The following KLHL23 variants were observed in gnomAD, a reference collection of about 807,000 sequenced individuals.
KLHL23 encodes the protein kelch-like protein 23.
KLHL23 carries 33 observed loss-of-function variants against 48.9 expected under a neutral mutation model. The ratio of observed to expected loss-of-function variants is 0.67; its 90% CI spans 0.51 to 0.90. KLHL23 has a LOEUF of 0.90. Ranked by LOEUF, KLHL23 falls within the 40% of genes least tolerant of loss-of-function variation. KLHL23 has a pLI of 0.00. For missense variants in KLHL23, 608 were observed against 669.6 expected (o/e 0.91, Z 1.02); for synonymous variants, 234 against 231.6 (o/e 1.01, Z -0.09).
chr2:169,744,311 C>A (rs185866442), intron 3 of KLHL23, among the ~76,000 whole-genome samples: 6 of 152,320 alleles, frequency 3.9e-5, no homozygotes, highest in Admixed American at 1.3e-4. Flanking sequence ...TCTTAGAATG[C>A]TTCCAACGGT....
At chr2:169,734,882 C>A in intron 1 of KLHL23, 131 bp from the exon 2 acceptor site, 1 of 1,234,312 alleles carries the variant, frequency 8.1e-7, no homozygotes, top group South Asian at 1.9e-5. Context: ...CCACATTTTG[C>A]ATTTATTATT....
intron 2 of KLHL23, among the ~76,000 whole-genome samples, chr2:169,740,217 A>G (rs1264133335): frequency 2.0e-5 from 3 of 152,128 alleles, no homozygotes; most frequent in Non-Finnish European, 4.4e-5. Flanking sequence ...AGATCAAGCA[A>G]TCCTCCCACC....
rs10690582 is a variant in KLHL23, at chr2:169,747,389, T to TAAAAAAAAAAAAAAAAAAAAA, written c.1367-2014_1367-2013insAAAAAAAAAAAAAAAAAAAAA. On this transcript the variant is annotated intron_variant, in intron 3 of 3. Transcript: ENST00000392647. ...GGGAGACAGAGCGAGACTCTGTCTC[T>TAAAAAAAAAAAAAAAAAAAAA]AAAAAAAAAAAAAAAAAAACTGAGG... 4.3e-5 allele frequency among the ~76,000 whole-genome samples: 3 copies of TAAAAAAAAAAAAAAAAAAAAA among 69,204 alleles called. 1 individual carries two copies. The highest frequency in any genetic ancestry group is 7.7e-5 in the Non-Finnish European group (3 of 39,140). 45.4% of individuals were successfully genotyped at this position (69,204 alleles called of 152,430 possible).
intron 3 of KLHL23, 74 bp downstream of exon 3, chr2:169,741,611 C>G (rs1688677750): frequency 1.4e-6 from 2 of 1,478,198 alleles, no homozygotes; most frequent in African/African-American, 1.4e-5. Context: ...TAAAAATGGA[C>G]TGGAAATAGA....
chr2:169,745,303 G>A (rs1277894324), intron 3 of KLHL23, among the ~76,000 whole-genome samples: 1 of 151,874 alleles, frequency 6.6e-6, no homozygotes, highest in African/African-American at 2.4e-5. Context: ...ATGAGGTCAG[G>A]AGATCGAGAC....
At chr2:169,736,461 C>G (rs1393523632) in intron 2 of KLHL23, among the ~76,000 whole-genome samples, 3 of 152,138 alleles carry the variant, frequency 2.0e-5, no homozygotes, top group Admixed American at 1.3e-4. Flanking sequence ...CAAATCTGGA[C>G]AGTTTTTCAT....
At position 169,749,930 on chromosome 2, in the gene KLHL23, T is replaced by TATATAC. The variant is rs1208807636; in HGVS notation, c.*199_*200insTATACA. ...GAAAAATCTTATATATATATATATATACACACACACATATATGTGTTCATA... is the reference window on the plus strand; with the variant it reads ...GAAAAATCTTATATATATATATATATATATACACACACACACATATATGTGTTCATA... On this transcript the variant is annotated 3_prime_UTR_variant, in exon 4 of 4. Transcript: ENST00000392647. The TATATAC allele has an allele frequency of 1.2e-5, 1 of 85,208 alleles. No individual in the cohort carries two copies. The highest frequency in any genetic ancestry group is 3.3e-4 in the East Asian group (1 of 3,050). The allele number at this position is 85,208 out of a possible 1,614,324, so 5.3% of individuals were successfully genotyped here.
rs145504400 is a variant in KLHL23, at chr2:169,737,321, T to C, written c.1213+1094T>C. On this transcript the variant is annotated intron_variant, in intron 2 of 3. Transcript: ENST00000392647. Reference sequence around the variant, plus strand: ...GTATTGAAGGACATGTCAGCTCTTATAGAGCAGAAATTGATTTCATGTGAA... The same window carrying C: ...GTATTGAAGGACATGTCAGCTCTTACAGAGCAGAAATTGATTTCATGTGAA... Among the ~76,000 whole-genome samples the C allele has an allele frequency of 4.6e-5, 7 of 152,314 alleles. No homozygotes were observed. The East Asian group carries it at 7.7e-4, about 17-fold the overall frequency.
Position 169,733,864 on chromosome 2 carries a change from A to T in KLHL23, c.-226A>T, listed in dbSNP as rs1174762581. 6.6e-6 allele frequency: 1 copy of T among 151,846 alleles called. No individual in the cohort carries two copies. Among genetic ancestry groups the T allele is most frequent in the Non-Finnish European group, 1.5e-5 (1 of 68,036 alleles). 9.4% of individuals were successfully genotyped at this position (151,846 alleles called of 1,614,324 possible). Reference sequence around the variant, plus strand: ...TCGCCGCACGGCCCGGCGACGGGGGAGTTCCCGCGAGTGGCCTCGCGCCCA... The same window carrying T: ...TCGCCGCACGGCCCGGCGACGGGGGTGTTCCCGCGAGTGGCCTCGCGCCCA... On this transcript the variant is annotated 5_prime_UTR_variant, in exon 1 of 4. Transcript: ENST00000392647.
rs758008925 is a variant in KLHL23 at position 169,749,766 on chromosome 2, T to C, written c.*34T>C. Reference sequence around the variant, plus strand: ...GCAGAAATGACCAAGCAATCACTTTTTTGGAGTATAGTTTTATAAAAAAAG... The same window carrying C: ...GCAGAAATGACCAAGCAATCACTTTCTTGGAGTATAGTTTTATAAAAAAAG... On this transcript the variant is annotated 3_prime_UTR_variant, in exon 4 of 4. Transcript: ENST00000392647. 1.3e-6 allele frequency: 2 copies of C among 1,552,258 alleles called. No individual in the cohort carries two copies. Among genetic ancestry groups the C allele is most frequent in the East Asian group, 2.3e-5 (1 of 44,126 alleles).
intron 2 of KLHL23, 102 bp downstream of exon 2, chr2:169,736,329 C>T (rs1389747049): frequency 1.4e-6 from 2 of 1,435,370 alleles, no homozygotes; most frequent in East Asian, 2.3e-5. Flanking sequence ...TATCTAGGAA[C>T]TATAGTTAAT....
chr2:169,737,822 C>T (rs1188674463), intron 2 of KLHL23, among the ~76,000 whole-genome samples: 1 of 152,054 alleles, frequency 6.6e-6, no homozygotes, highest in African/African-American at 2.4e-5. Context: ...ACCATGTTGG[C>T]CAGGCTGGTC....
chr2:169,747,406 A>AAAAAAAAC (rs1303964198), intron 3 of KLHL23, among the ~76,000 whole-genome samples: 1 of 150,352 alleles, frequency 6.7e-6, no homozygotes, highest in Non-Finnish European at 1.5e-5. Context: ...AAAAAAAAAA[A>AAAAAAAAC]AACTGAGGGA....
chr2:169,737,144 C>T (rs1022366964), intron 2 of KLHL23, among the ~76,000 whole-genome samples: 12 of 152,314 alleles, frequency 7.9e-5, no homozygotes, highest in Middle Eastern at 3.4e-3. Flanking sequence ...CCTGTGCCCC[C>T]GTTTTGTCAT....
intron 2 of KLHL23, among the ~76,000 whole-genome samples, chr2:169,740,474 A>C (rs1688646858): frequency 7.0e-6 from 1 of 143,494 alleles, no homozygotes; most frequent in South Asian, 2.2e-4. Flanking sequence ...TTTGAGACGG[A>C]GTCTCGCTCT....
chr2:169,734,929 G>A, intron 1 of KLHL23, 84 bp from the exon 2 acceptor site: 2 of 1,473,758 alleles, frequency 1.4e-6, no homozygotes, highest in South Asian at 1.5e-5. Context: ...GAGTATATCC[G>A]ATGATAGTCA....
intron 2 of KLHL23, among the ~76,000 whole-genome samples, chr2:169,740,288 T>G (rs1032894599): frequency 6.6e-6 from 1 of 150,806 alleles, no homozygotes; most frequent in African/African-American, 2.4e-5. Context: ...ACTTTTTTAT[T>G]TTTTGTAGAG....
At position 169,741,488 on chromosome 2, in the gene KLHL23, C is replaced by T. The variant is rs1688675300; in HGVS notation, c.1317C>T (p.Tyr439=). 1 of 1,613,944 alleles carries T rather than the reference C, an allele frequency of 6.2e-7. No homozygotes were observed. Among genetic ancestry groups the T allele is most frequent in the Non-Finnish European group, 8.5e-7 (1 of 1,179,914 alleles). ...GSCTYDKVQS[Y]NSDINEWSLI... is the part of the protein sequence containing the mutation. ...GCACCTATGACAAAGTTCAGAGCTACAATTCCGATATCAACGAATGGAGCC... is the reference window on the plus strand; with the variant it reads ...GCACCTATGACAAAGTTCAGAGCTATAATTCCGATATCAACGAATGGAGCC... Residue 439 remains tyrosine, a synonymous_variant, in exon 3 of 4, where the codon TAC becomes TAT. Transcript: ENST00000392647.
In KLHL23 at chr2:169,750,005, GTATA is replaced by G. The variant is rs1323605671; in HGVS notation, c.*278_*281del. ...TATATACGTATGTATACATATATGT[GTATA>G]TATACGTATGTATGTATACATATGT... On this transcript the variant is annotated 3_prime_UTR_variant, in exon 4 of 4. Coordinates refer to ENST00000392647, the MANE Select transcript of KLHL23 (RefSeq NM_144711.6). 129 of 164,216 alleles carry G rather than the reference GTATA, an allele frequency of 7.9e-4. 3 individuals are homozygous for G. Among genetic ancestry groups the G allele is most frequent in the Non-Finnish European group, 1.1e-3 (88 of 80,538 alleles). 10.2% of individuals were successfully genotyped at this position (164,216 alleles called of 1,614,324 possible).
Sources: gnomAD v4.1 joint callset for allele counts (sites outside exome capture counted in the v4.1 genomes callset) on GRCh38, gnomAD v4.1.1 for gene constraint, MANE v1.5 for transcripts, NCBI Gene and HGNC (gene_info 2026-07-23, HGNC 2026-07-21) for gene names.